Variants in PTPRK observed in about 807,000 individuals in gnomAD.
The protein encoded by PTPRK is receptor-type tyrosine-protein phosphatase kappa.
In PTPRK, 75 loss-of-function variants were observed where a neutral mutation model predicts 178.0. That is an observed-to-expected ratio of 0.42 (90% CI 0.35 to 0.51). PTPRK has a LOEUF of 0.51. Among genes scored for constraint, PTPRK ranks in the 20% least tolerant of loss-of-function variants. The pLI is 0.02. For missense variants in PTPRK, 1,441 were observed against 1,797.8 expected (o/e 0.80, Z 3.59); for synonymous variants, 637 against 620.6 (o/e 1.03, Z -0.39).
intron 2 of PTPRK, among the ~76,000 whole-genome samples, chr6:128,331,848 G>A (rs1262299326): frequency 1.3e-5 from 2 of 152,088 alleles, no homozygotes; most frequent in Non-Finnish European, 2.9e-5. Flanking sequence ...CCATTGCCTT[G>A]TAAAAATATA....
At chr6:128,119,501 T>C (rs896403746) in intron 7 of PTPRK, among the ~76,000 whole-genome samples, 1 of 152,102 alleles carries the variant, frequency 6.6e-6, no homozygotes, top group African/African-American at 2.4e-5. Flanking sequence ...AATAGAAGTT[T>C]GAAAATATTT....
At chr6:128,003,084 C>T in intron 15 of PTPRK, 1 of 1,014,234 alleles carries the variant, frequency 9.9e-7, no homozygotes. Flanking sequence ...CCATGGCTGT[C>T]TATTTTCAAA....
intron 13 of PTPRK, among the ~76,000 whole-genome samples, chr6:128,016,257 C>T (rs1174615860): frequency 1.3e-5 from 2 of 151,672 alleles, no homozygotes; most frequent in African/African-American, 4.8e-5. Context: ...CAGTTAAACC[C>T]GAGTGTTTTT....
At chr6:128,471,603 C>CTAAAAAAAAAAAAAAAAAAAAAAA (rs1850663906) in intron 1 of PTPRK, among the ~76,000 whole-genome samples, 1 of 70,384 alleles carries the variant, frequency 1.4e-5, no homozygotes, top group Non-Finnish European at 2.7e-5. Flanking sequence ...ACAAAACAAC[C>CTAAAAAAAAAAAAAAAAAAAAAAA]TAAAAAAAAA....
intron 13 of PTPRK, among the ~76,000 whole-genome samples, chr6:128,020,066 G>A (rs1165234271): frequency 6.6e-6 from 1 of 152,050 alleles, no homozygotes; most frequent in Non-Finnish European, 1.5e-5. Flanking sequence ...ATAACAATAG[G>A]ATGAAATTAA....
intron 1 of PTPRK, among the ~76,000 whole-genome samples, chr6:128,445,804 A>G (rs1846935478): frequency 6.6e-6 from 1 of 152,188 alleles, no homozygotes; most frequent in African/African-American, 2.4e-5. Flanking sequence ...GAGTCCACCA[A>G]ATAATGGCTA....
intron 1 of PTPRK, among the ~76,000 whole-genome samples, chr6:128,514,601 T>C (rs1358696214): frequency 2.0e-5 from 3 of 152,232 alleles, no homozygotes; most frequent in African/African-American, 4.8e-5. Context: ...TCAATAATCA[T>C]ATCAAGTGGA....
At chr6:128,346,961 A>C (rs1198693969) in intron 2 of PTPRK, among the ~76,000 whole-genome samples, 1 of 152,198 alleles carries the variant, frequency 6.6e-6, no homozygotes, top group Non-Finnish European at 1.5e-5. Flanking sequence ...CAATACTTTA[A>C]CTGATTAAAA....
intron 2 of PTPRK, among the ~76,000 whole-genome samples, chr6:128,388,081 C>A (rs1839022133): frequency 6.6e-6 from 1 of 152,176 alleles, no homozygotes; most frequent in Non-Finnish European, 1.5e-5. Context: ...GAATACAATG[C>A]TGTTTTAATA....
chr6:128,450,441 T>C (rs1353377484), intron 1 of PTPRK, among the ~76,000 whole-genome samples: 2 of 152,226 alleles, frequency 1.3e-5, no homozygotes, highest in Non-Finnish European at 2.9e-5. Context: ...TAGAAATATA[T>C]ACCAAAATAA....
intron 11 of PTPRK, among the ~76,000 whole-genome samples, chr6:128,077,035 TAATA>T (rs1783948517): frequency 6.6e-6 from 1 of 151,968 alleles, no homozygotes; most frequent in South Asian, 2.1e-4. Context: ...GATGCAAAAA[TAATA>T]AAAATATGCT....
chr6:128,462,625 T>TTTTA (rs201968289), intron 1 of PTPRK, among the ~76,000 whole-genome samples: 19,381 of 142,870 alleles, frequency 0.14, 1,456 homozygotes, highest in Middle Eastern at 0.18. Flanking sequence ...AGTAGGTATA[T>TTTTA]TTTATTTATT....
At chr6:128,464,656 T>TATACAC (rs1554271943) in intron 1 of PTPRK, among the ~76,000 whole-genome samples, 3 of 102,776 alleles carry the variant, frequency 2.9e-5, no homozygotes, top group Admixed American at 9.1e-5. Context: ...TATATATATA[T>TATACAC]ATATATATAT....
At chr6:128,270,725 C>T (rs577853122) in intron 3 of PTPRK, among the ~76,000 whole-genome samples, 35 of 152,138 alleles carry the variant, frequency 2.3e-4, no homozygotes, top group Middle Eastern at 3.4e-3. Flanking sequence ...TGTATTTTTG[C>T]AAATTTTTCA....
intron 6 of PTPRK, among the ~76,000 whole-genome samples, chr6:128,188,618 C>T (rs2114711015): frequency 6.6e-6 from 1 of 152,262 alleles, no homozygotes. Context: ...ATGGCTGCTG[C>T]AACAAATTAC....
At chr6:128,113,254 T>C (rs956036957) in intron 7 of PTPRK, among the ~76,000 whole-genome samples, 2 of 152,052 alleles carry the variant, frequency 1.3e-5, no homozygotes, top group South Asian at 2.1e-4. Flanking sequence ...AGATAGAATA[T>C]ACATATGTAC....
At chr6:128,070,638 C>A (rs1782655218) in intron 11 of PTPRK, among the ~76,000 whole-genome samples, 1 of 151,830 alleles carries the variant, frequency 6.6e-6, no homozygotes, top group African/African-American at 2.4e-5. Context: ...TGGAGATAAC[C>A]TGGTCACCGC....
chr6:128,143,801 G>T (rs1424914032), intron 7 of PTPRK, among the ~76,000 whole-genome samples: 1 of 151,948 alleles, frequency 6.6e-6, no homozygotes, highest in African/African-American at 2.4e-5. Context: ...TTAATATTTT[G>T]CTGGAGAAAC....
intron 1 of PTPRK, among the ~76,000 whole-genome samples, chr6:128,463,267 C>T (rs1235878303): frequency 2.6e-5 from 4 of 152,214 alleles, no homozygotes; most frequent in South Asian, 2.1e-4. Flanking sequence ...CAAGTTTGTC[C>T]TATATTCTCT....
Sources: allele counts gnomAD v4.1 joint callset (sites outside exome capture counted in the v4.1 genomes callset), GRCh38; gene constraint gnomAD v4.1.1; transcripts MANE v1.5; gene names NCBI Gene and HGNC (gene_info 2026-07-23, HGNC 2026-07-21).